The following NBEA variants were observed in gnomAD, a reference collection of about 807,000 sequenced individuals.
The protein encoded by NBEA is lysosomal-trafficking regulator 2.
Under a neutral mutation model 343.4 loss-of-function variants are expected in NBEA, and 44 were observed. The observed-to-expected ratio is 0.13, with a 90% CI of 0.10 to 0.16. NBEA has a LOEUF of 0.16. NBEA is among the 10% of genes least tolerant of loss of function. The probability of loss-of-function intolerance (pLI) is 1.00; values close to 1 mark genes in which losing one functional copy is unlikely to be tolerated. For synonymous variants in NBEA, 1,175 were observed against 1,238.7 expected (o/e 0.95, Z 1.08); for missense variants, 2,555 against 3,631.3 (o/e 0.70, Z 7.62).
intron 28 of NBEA, chr13:35,179,813 T>C: frequency 6.1e-6 from 6 of 983,874 alleles, no homozygotes; most frequent in Non-Finnish European, 6.0e-6. Flanking sequence ...TATCTTTTCT[T>C]AATCTGATTG....
At chr13:35,467,776 G>A (rs1226760190) in intron 40 of NBEA, among the ~76,000 whole-genome samples, 1 of 152,116 alleles carries the variant, frequency 6.6e-6, no homozygotes, top group Non-Finnish European at 1.5e-5. Flanking sequence ...AGCAAACTGA[G>A]CATGTAGTTT....
At chr13:35,018,607 T>C (rs566681797) in intron 1 of NBEA, among the ~76,000 whole-genome samples, 11 of 152,304 alleles carry the variant, frequency 7.2e-5, no homozygotes, top group African/African-American at 2.6e-4. Flanking sequence ...GAGAATTTGG[T>C]AAAATTCTTT....
At chr13:35,597,090 A>C (rs999308606) in intron 47 of NBEA, among the ~76,000 whole-genome samples, 1 of 152,200 alleles carries the variant, frequency 6.6e-6, no homozygotes, top group Non-Finnish European at 1.5e-5. Flanking sequence ...TAGTGTTAAT[A>C]GTGGTCTTCT....
chr13:35,459,804 G>A (rs547378436), intron 40 of NBEA, among the ~76,000 whole-genome samples: 2 of 152,262 alleles, frequency 1.3e-5, no homozygotes, highest in African/African-American at 4.8e-5. Flanking sequence ...ATAAACTACA[G>A]AATTCTAAAA....
intron 49 of NBEA, 43 bp from the exon 50 acceptor site, chr13:35,645,826 A>C (rs761101236): frequency 8.1e-7 from 1 of 1,234,646 alleles, no homozygotes; most frequent in South Asian, 1.4e-5. Context: ...TATTTTGTAT[A>C]ATTGGTAGAC....
At chr13:35,165,303 G>C (rs888862253) in intron 24 of NBEA, among the ~76,000 whole-genome samples, 1 of 152,088 alleles carries the variant, frequency 6.6e-6, no homozygotes, top group Admixed American at 6.6e-5. Context: ...CACCAGAGCA[G>C]CCTTGAAACT....
At chr13:35,125,218 A>G (rs2067056172) in intron 17 of NBEA, among the ~76,000 whole-genome samples, 1 of 152,156 alleles carries the variant, frequency 6.6e-6, no homozygotes, top group Non-Finnish European at 1.5e-5. Context: ...GATGCAAAAT[A>G]TGAACTCCAG....
At chr13:35,471,912 T>TTG (rs1229089836) in intron 40 of NBEA, among the ~76,000 whole-genome samples, 1 of 152,208 alleles carries the variant, frequency 6.6e-6, no homozygotes, top group Non-Finnish European at 1.5e-5. Context: ...CAAACCGCTC[T>TTG]GAACAGCGGA....
At chr13:35,667,336 C>A in intron 56 of NBEA, 38 bp from the exon 57 acceptor site, 1 of 1,572,828 alleles carries the variant, frequency 6.4e-7, no homozygotes, top group Non-Finnish European at 8.7e-7. Flanking sequence ...CGTTTGTCGT[C>A]CCCAACTGAC....
At chr13:35,629,641 G>C (rs1380261108) in intron 49 of NBEA, among the ~76,000 whole-genome samples, 1 of 152,166 alleles carries the variant, frequency 6.6e-6, no homozygotes, top group East Asian at 1.9e-4. Context: ...CAGGTGTTAT[G>C]AAATGGCTGG....
chr13:35,641,202 G>C (rs1391583049), intron 49 of NBEA, among the ~76,000 whole-genome samples: 2 of 151,738 alleles, frequency 1.3e-5, no homozygotes, highest in Non-Finnish European at 2.9e-5. Context: ...TTACAGCTTC[G>C]ACCATTACAT....
chr13:35,531,810 A>G (rs2078276218), intron 41 of NBEA, among the ~76,000 whole-genome samples: 1 of 152,114 alleles, frequency 6.6e-6, no homozygotes, highest in Non-Finnish European at 1.5e-5. Flanking sequence ...AGGCTTCCCT[A>G]CTCCAGACTG....
chr13:34,948,305 G>A (rs759549165), intron 1 of NBEA, among the ~76,000 whole-genome samples: 11 of 152,096 alleles, frequency 7.2e-5, no homozygotes, highest in Non-Finnish European at 1.2e-4. Context: ...ATTGGTTCAG[G>A]GACAAACATT....
chr13:35,045,531 C>A, intron 4 of NBEA, 130 bp downstream of exon 4: 1 of 676,010 alleles, frequency 1.5e-6, no homozygotes, highest in Non-Finnish European at 2.4e-6. Context: ...AGTCATACAA[C>A]CACTACTATA....
intron 53 of NBEA, among the ~76,000 whole-genome samples, chr13:35,652,365 G>T (rs529559567): frequency 6.7e-6 from 1 of 150,156 alleles, no homozygotes; most frequent in South Asian, 2.1e-4. Flanking sequence ...AAAGGGCCGG[G>T]CATGGTGGCT....
chr13:35,142,367 C>A lies in NBEA; in HGVS notation c.2435C>A (p.Thr812Lys). 1 of 1,609,834 alleles carries A rather than the reference C, an allele frequency of 6.2e-7. No individual in the cohort carries two copies. Among genetic ancestry groups the A allele is most frequent in the Non-Finnish European group, 8.5e-7 (1 of 1,176,850 alleles). ...ACTGTGACTGTCACCACATACAACA[C>A]ACTTTATGAGGTAAAAATAAAAAAT... Reference protein sequence around the residue: ...TNTVTVTTYNTLYEILTEQVC... With the variant: ...TNTVTVTTYNKLYEILTEQVC... The change falls in exon 18 of 59, where the codon ACA (threonine) becomes AAA (lysine). Residue 812 changes from threonine to lysine, a missense_variant. Around this residue, in one of 21 missense-constraint regions of NBEA, gnomAD observed 360 missense variants for 519.1 expected, o/e 0.69. Transcript: ENST00000379939.
At chr13:35,104,557 G>A (rs775881019) in intron 11 of NBEA, among the ~76,000 whole-genome samples, 1 of 151,820 alleles carries the variant, frequency 6.6e-6, no homozygotes, top group African/African-American at 2.4e-5. Flanking sequence ...TTGGAGGAGT[G>A]CTCACATTTT....
At chr13:35,402,742 CAT>C (rs888130380) in intron 38 of NBEA, among the ~76,000 whole-genome samples, 1 of 152,052 alleles carries the variant, frequency 6.6e-6, no homozygotes, top group African/African-American at 2.4e-5. Context: ...TGGCATGTCT[CAT>C]AAATATCAGA....
intron 10 of NBEA, among the ~76,000 whole-genome samples, chr13:35,079,331 T>A (rs2064267668): frequency 6.6e-6 from 1 of 152,096 alleles, no homozygotes; most frequent in Non-Finnish European, 1.5e-5. Flanking sequence ...AAGTAAAAAT[T>A]AAAAATGTAA....
Sources: allele counts gnomAD v4.1 joint callset (sites outside exome capture counted in the v4.1 genomes callset), GRCh38; gene constraint gnomAD v4.1.1; regional missense constraint gnomAD v4.1.1; transcripts MANE v1.5; gene names NCBI Gene and HGNC (gene_info 2026-07-23, HGNC 2026-07-21).